Variants in CTSO observed in about 807,000 individuals in gnomAD.
The protein encoded by CTSO is cathepsin O.
In CTSO, 40 loss-of-function variants were observed where a neutral mutation model predicts 42.4. The observed-to-expected ratio is 0.94, with a 90% CI of 0.73 to 1.23. CTSO has a LOEUF of 1.23. Ranked by LOEUF, CTSO falls within the 50% of genes most tolerant of loss-of-function variation. CTSO has a pLI of 0.00. For synonymous variants in CTSO, 156 were observed against 146.2 expected (o/e 1.07, Z -0.48); for missense variants, 441 against 396.0 (o/e 1.11, Z -0.96).
At position 155,937,502 on chromosome 4, in the gene CTSO, T is replaced by C. The variant is rs1208691016; in HGVS notation, c.553-19A>G. 6.2e-7 allele frequency: 1 copy of C among 1,609,500 alleles called. No individual in the cohort carries two copies. The highest frequency in any genetic ancestry group is 2.2e-5 in the East Asian group (1 of 44,822). On this transcript the variant is annotated intron_variant, in intron 4 of 7. Coordinates refer to ENST00000433477, the MANE Select transcript of CTSO (RefSeq NM_001334.3). ...CTTGCATCTAAAAGAAAACAATCACTGAACATGTTTACTGTCAATTGTTTT... is the reference window on the plus strand; with the variant it reads ...CTTGCATCTAAAAGAAAACAATCACCGAACATGTTTACTGTCAATTGTTTT...
chr4:155,930,284 A>T (rs1743211768), intron 5 of CTSO, among the ~76,000 whole-genome samples: 1 of 152,336 alleles, frequency 6.6e-6, no homozygotes, highest in East Asian at 1.9e-4. Context: ...CATGTTAGTC[A>T]TTGTCAAATA....
intron 1 of CTSO, among the ~76,000 whole-genome samples, chr4:155,950,377 T>G (rs567452606): frequency 6.6e-6 from 1 of 152,322 alleles, no homozygotes; most frequent in African/African-American, 2.4e-5. Flanking sequence ...AGACCAGTTC[T>G]TTAGACACAG....
intron 5 of CTSO, among the ~76,000 whole-genome samples, chr4:155,933,956 T>C (rs1743283326): frequency 6.6e-6 from 1 of 152,186 alleles, no homozygotes; most frequent in Non-Finnish European, 1.5e-5. Context: ...TGAGGAGACA[T>C]TGAAGCCAGC....
rs954980781 is a variant in CTSO, at chr4:155,945,054, C to T, written c.136-1790G>A. Among the ~76,000 whole-genome samples, 46 of 150,612 alleles carry T rather than the reference C, an allele frequency of 3.1e-4. 1 individual carries two copies. Among genetic ancestry groups the T allele is most frequent in the African/African-American group, 9.7e-4 (40 of 41,054 alleles). On this transcript the variant is annotated intron_variant, in intron 1 of 7. Transcript: ENST00000433477. ...GGTGGATCATCTGAGGTCAGGAGTT[C>T]GAGACCAGCCTCGCCAACATGGTGA...
At chr4:155,930,035 G>T (rs1315612912) in intron 5 of CTSO, among the ~76,000 whole-genome samples, 2 of 152,202 alleles carry the variant, frequency 1.3e-5, no homozygotes, top group African/African-American at 4.8e-5. Flanking sequence ...ATACATCTCT[G>T]TTGAGAAGAC....
intron 5 of CTSO, among the ~76,000 whole-genome samples, chr4:155,932,333 T>A (rs1168708517): frequency 6.6e-6 from 1 of 152,128 alleles, no homozygotes; most frequent in Non-Finnish European, 1.5e-5. Flanking sequence ...TGAACAGATA[T>A]GAGTTCTAAT....
chr4:155,951,864 T>C (rs899015873), intron 1 of CTSO, among the ~76,000 whole-genome samples: 2 of 152,150 alleles, frequency 1.3e-5, no homozygotes, highest in African/African-American at 4.8e-5. Context: ...TGATCTTAGA[T>C]GAAAGACTTT....
At chr4:155,949,531 T>G (rs946907391) in intron 1 of CTSO, among the ~76,000 whole-genome samples, 5 of 152,206 alleles carry the variant, frequency 3.3e-5, no homozygotes, top group African/African-American at 9.6e-5. Flanking sequence ...GAAGCTCACT[T>G]TATCTTCGGC....
chr4:155,935,883 G>T (rs1299252805), intron 5 of CTSO, among the ~76,000 whole-genome samples: 3 of 152,138 alleles, frequency 2.0e-5, no homozygotes, highest in Non-Finnish European at 4.4e-5. Context: ...AAGATATTTT[G>T]ATTGGGACCT....
chr4:155,938,405 G>C (rs1193806627), intron 4 of CTSO, among the ~76,000 whole-genome samples: 1 of 152,176 alleles, frequency 6.6e-6, no homozygotes, highest in African/African-American at 2.4e-5. Context: ...GGGGAACTCT[G>C]GTTTGATGAC....
At position 155,926,640 on chromosome 4, in the gene CTSO, T is replaced by G. The variant is rs574296050; in HGVS notation, c.932-570A>C. Among the ~76,000 whole-genome samples, 97 of 152,274 alleles carry G rather than the reference T, an allele frequency of 6.4e-4. 2 individuals are homozygous for G. The highest frequency in any genetic ancestry group is 1.7e-3 in the East Asian group (9 of 5,176). Reference sequence around the variant, plus strand: ...ACTATCTGCCTTATGCCATTGCTCATAAGAGTAATATGACATCATTGTAAC... The same window carrying G: ...ACTATCTGCCTTATGCCATTGCTCAGAAGAGTAATATGACATCATTGTAAC... On this transcript the variant is annotated intron_variant, in intron 7 of 7. Transcript: ENST00000433477.
At chr4:155,940,854 A>G (rs989843188) in intron 3 of CTSO, among the ~76,000 whole-genome samples, 12 of 150,810 alleles carry the variant, frequency 8.0e-5, no homozygotes, top group African/African-American at 2.9e-4. Flanking sequence ...AAAAAAAAAA[A>G]GAGAAAAGGT....
chr4:155,937,532 A>G (rs747936726), intron 4 of CTSO, 49 bp from the exon 5 acceptor site: 1 of 1,569,898 alleles, frequency 6.4e-7, no homozygotes. Context: ...TGTTTTATAA[A>G]TCAAATAGAA....
At position 155,942,309 on chromosome 4, in the gene CTSO, C is replaced by A. The variant is rs771090308; in HGVS notation, c.384+8G>T. 10 of 1,554,492 alleles carry A rather than the reference C, an allele frequency of 6.4e-6. No individual in the cohort carries two copies. Among genetic ancestry groups the A allele is most frequent in the Admixed American group, 2.0e-5 (1 of 50,990 alleles). ...GATGATTAGAAAAGAAGAGGGATTTCAACGTACCATCTGCTGGTTTCTCAC... is the reference window on the plus strand; with the variant it reads ...GATGATTAGAAAAGAAGAGGGATTTAAACGTACCATCTGCTGGTTTCTCAC... On this transcript the variant is annotated splice_region_variant and intron_variant, in intron 3 of 7. Coordinates refer to ENST00000433477, the MANE Select transcript of CTSO (RefSeq NM_001334.3).
intron 1 of CTSO, among the ~76,000 whole-genome samples, chr4:155,953,083 A>C (rs1365806494): frequency 1.3e-5 from 2 of 150,372 alleles, no homozygotes; most frequent in Admixed American, 6.7e-5. Context: ...TATAAATTAT[A>C]TTATATTTCG....
intron 4 of CTSO, 59 bp downstream of exon 4, chr4:155,939,312 C>T: frequency 7.0e-7 from 1 of 1,419,168 alleles, no homozygotes; most frequent in Non-Finnish European, 9.5e-7. Flanking sequence ...GAATTTTGAA[C>T]ACACAGTAAA....
At chr4:155,926,853 A>G (rs1281331411) in intron 7 of CTSO, among the ~76,000 whole-genome samples, 1 of 152,226 alleles carries the variant, frequency 6.6e-6, no homozygotes, top group African/African-American at 2.4e-5. Flanking sequence ...ATTATGAACC[A>G]ATATTTGAAT....
chr4:155,932,495 C>A (rs188341901), intron 5 of CTSO, among the ~76,000 whole-genome samples: 2 of 152,158 alleles, frequency 1.3e-5, no homozygotes, highest in Non-Finnish European at 2.9e-5. Context: ...AAGGCTGTCA[C>A]CACTGCAATG....
intron 7 of CTSO, among the ~76,000 whole-genome samples, chr4:155,927,258 A>T (rs542791311): frequency 6.6e-6 from 1 of 152,336 alleles, no homozygotes; most frequent in East Asian, 1.9e-4. Context: ...ATAATCTGAA[A>T]GATTCTGCAT....
Sources: gnomAD v4.1 joint callset for allele counts (sites outside exome capture counted in the v4.1 genomes callset) on GRCh38, gnomAD v4.1.1 for gene constraint, MANE v1.5 for transcripts, NCBI Gene and HGNC (gene_info 2026-07-23, HGNC 2026-07-21) for gene names.